TLE2: variants seen among roughly 807,000 people sequenced by gnomAD.
TLE2 encodes the protein transducin-like enhancer protein 2.
In TLE2, 74 loss-of-function variants were observed where a neutral mutation model predicts 97.2. That is an observed-to-expected ratio of 0.76 (90% CI 0.63 to 0.92). The LOEUF (loss-of-function observed/expected upper bound fraction) is 0.92. TLE2 is among the 40% of genes least tolerant of loss of function. The pLI is 0.00. For missense variants in TLE2, 1,038 were observed against 1,008.7 expected (o/e 1.03, Z -0.39); for synonymous variants, 499 against 432.1 (o/e 1.15, Z -1.92).
intron 1 of TLE2, among the ~76,000 whole-genome samples, chr19:3,044,537 AGCTTCCTGAGTT>A (rs1266551509): frequency 1.3e-5 from 2 of 152,186 alleles, no homozygotes; most frequent in African/African-American, 4.8e-5. Flanking sequence ...CTCCTTCCTC[AGCTTCCTGAGTT>A]GCTGGGATTA....
intron 8 of TLE2, 146 bp downstream of exon 8, chr19:3,017,694 C>G: frequency 1.5e-6 from 1 of 648,260 alleles, no homozygotes; most frequent in Non-Finnish European, 2.5e-6. Context: ...TCAAATGATT[C>G]TCCTACCTCT....
intron 3 of TLE2, 49 bp from the exon 4 acceptor site, chr19:3,027,922 C>T: frequency 6.4e-7 from 1 of 1,569,844 alleles, no homozygotes; most frequent in Non-Finnish European, 8.7e-7. Context: ...GATGGGTGCC[C>T]TCCTCCAGAT....
intron 19 of TLE2, among the ~76,000 whole-genome samples, chr19:2,998,958 T>TA (rs1568227914): frequency 6.6e-6 from 1 of 152,194 alleles, no homozygotes; most frequent in Non-Finnish European, 1.5e-5. Flanking sequence ...AAAGTCTAAA[T>TA]AAGTCCATGT....
chr19:3,030,518 A>G (rs1254625996), upstream of TLE2, among the ~76,000 whole-genome samples: 1 of 152,180 alleles, frequency 6.6e-6, no homozygotes, highest in Non-Finnish European at 1.5e-5. Context: ...AGAAAAATCC[A>G]TGCCCCTTGA....
chr19:3,008,492 C>T (rs981854216), intron 14 of TLE2, among the ~76,000 whole-genome samples: 1 of 150,710 alleles, frequency 6.6e-6, no homozygotes, highest in African/African-American at 2.4e-5. Flanking sequence ...GCTCTATTGC[C>T]CAGGCTGGAG....
At chr19:3,009,194 C>T (rs776559761) in intron 13 of TLE2, among the ~76,000 whole-genome samples, 1 of 152,204 alleles carries the variant, frequency 6.6e-6, no homozygotes, top group Non-Finnish European at 1.5e-5. Context: ...GTTCTCCATC[C>T]AATGCCCAGA....
chr19:3,006,757 C>G, intron 14 of TLE2, 88 bp from the exon 15 acceptor site: 1 of 1,477,374 alleles, frequency 6.8e-7, no homozygotes, highest in Non-Finnish European at 9.0e-7. Context: ...CTTTGTCCTG[C>G]CTGGCACCCT....
Position 3,013,814 on chromosome 19 carries a change from T to C in TLE2, c.728A>G (p.Gln243Arg), listed in dbSNP as rs767805754. ...AGCCGGGCTGGGGGGCTCTGAGGGTTGGTCCTGGGTTTGAGGAGGTGACGT... is the reference window on the plus strand; with the variant it reads ...AGCCGGGCTGGGGGGCTCTGAGGGTCGGTCCTGGGTTTGAGGAGGTGACGT... ...SDYNLVVDEDQPSEPPSPATT... is the reference protein window; with the variant it reads ...SDYNLVVDEDRPSEPPSPATT... Residue 243 changes from glutamine (Q) to arginine (R), a missense_variant, in exon 11 of 20, where the codon CAA becomes CGA. Coordinates refer to ENST00000262953, the MANE Select transcript of TLE2 (RefSeq NM_003260.5). 5 of 1,538,068 alleles carry C rather than the reference T, an allele frequency of 3.3e-6. No homozygotes were observed. The South Asian group carries it at 5.0e-5, about 16-fold the overall frequency.
chr19:3,028,858 C>T (rs1288308792), intron 1 of TLE2, 23 bp downstream of exon 1: 2 of 1,611,688 alleles, frequency 1.2e-6, no homozygotes, highest in African/African-American at 1.3e-5. Context: ...ACTGGGGGCC[C>T]CCTCCCCGCA....
At chr19:3,014,700 A>C in intron 9 of TLE2, 86 bp from the exon 10 acceptor site, 2 of 1,264,442 alleles carry the variant, frequency 1.6e-6, no homozygotes. Context: ...TGGAGGCATG[A>C]GCCCAGCCAG....
chr19:3,023,888 TCACA>T (rs140844301), intron 5 of TLE2, among the ~76,000 whole-genome samples: 2 of 144,416 alleles, frequency 1.4e-5, no homozygotes, highest in African/African-American at 5.1e-5. Flanking sequence ...CAAGAATCCA[TCACA>T]CACACACACA....
At chr19:3,027,732 AG>A (rs2089969264) in intron 4 of TLE2, 96 bp downstream of exon 4, 3 of 1,204,286 alleles carry the variant, frequency 2.5e-6, no homozygotes, top group Non-Finnish European at 3.6e-6. Flanking sequence ...CGTGTTCCCT[AG>A]GTCTGCTCTG....
chr19:3,023,056 CTT>C (rs35202557), intron 5 of TLE2, among the ~76,000 whole-genome samples: 5 of 135,378 alleles, frequency 3.7e-5, no homozygotes, highest in African/African-American at 5.8e-5. Context: ...TTTACCTAAT[CTT>C]TTTTTTTTTT....
chr19:3,028,541 C>T (rs1389992135), intron 2 of TLE2, among the ~76,000 whole-genome samples, 159 bp from the exon 3 acceptor site: 1 of 151,480 alleles, frequency 6.6e-6, no homozygotes, highest in African/African-American at 2.4e-5. Flanking sequence ...AATGCCCCAG[C>T]TCTGACTGTC....
chr19:3,041,909 G>C (rs1411073565), intron 1 of TLE2, among the ~76,000 whole-genome samples: 1 of 127,682 alleles, frequency 7.8e-6, no homozygotes, highest in Non-Finnish European at 1.7e-5. Context: ...TGGGAGCTCT[G>C]TGGCTGCCTT....
chr19:3,040,311 C>A (rs369831317), intron 1 of TLE2, among the ~76,000 whole-genome samples: 13 of 152,188 alleles, frequency 8.5e-5, no homozygotes, highest in African/African-American at 3.1e-4. Flanking sequence ...AACCCCTGGC[C>A]GCATGGCCCA....
In TLE2 at chr19:3,005,576, T is replaced by G. The variant is rs1458622816; in HGVS notation, c.1757A>C (p.Gln586Pro). The change falls in exon 17 of 20, where the codon CAG becomes CCG. Residue 586 changes from glutamine (Q) to proline (P), a missense_variant. Coordinates refer to ENST00000262953, the MANE Select transcript of TLE2 (RefSeq NM_003260.5). ...GCAGCTGGCGCCGTCCGTGTGGCCC[T>G]GGAACTGCCTGGAGGGAGAAGGGCC... ...LQNQTMVRQF[Q>P]GHTDGASCID... 1.9e-6 allele frequency: 3 copies of G among 1,612,996 alleles called. No individual in the cohort carries two copies. Among genetic ancestry groups the G allele is most frequent in the Non-Finnish European group, 1.7e-6 (2 of 1,179,532 alleles).
rs1407754447 is a variant in TLE2 at position 3,006,664 on chromosome 19, T to C, written c.1256A>G (p.Tyr419Cys). The C allele has an allele frequency of 6.9e-6, 11 of 1,595,812 alleles. No homozygotes were observed. Among genetic ancestry groups the C allele is most frequent in the Non-Finnish European group, 8.5e-6 (10 of 1,169,986 alleles). ...CCCGTCCGCAGACACGTGGAAGGAG[T>C]AGGCCCTGGAGAGAAAGCCGGGGCA... ...LPSIPGGKPA[Y>C]SFHVSADGQM... is the part of the protein sequence containing the mutation. Residue 419 changes from tyrosine to cysteine, a missense_variant, in exon 15 of 20, where the codon TAC (tyrosine) becomes TGC (cysteine). By Grantham distance (194) the Tyr-to-Cys change is radical. Coordinates refer to ENST00000262953, the MANE Select transcript of TLE2 (RefSeq NM_003260.5).
rs112201116 is a variant in TLE2 at position 3,005,846 on chromosome 19, G to A, written c.1623C>T (p.Ala541=). The part of the protein sequence containing the change: ...DLAAPTPRIK[A]ELTSSAPACY... ...AGGCTGGGGCTGAGGAAGTCAGCTCGGCCTTGATACGGGGGGTGGGCGCCG... is the reference window on the plus strand; with the variant it reads ...AGGCTGGGGCTGAGGAAGTCAGCTCAGCCTTGATACGGGGGGTGGGCGCCG... The change falls in exon 16 of 20, where the codon GCC becomes GCT. Residue 541 remains alanine (A), a synonymous_variant. Coordinates refer to ENST00000262953, the MANE Select transcript of TLE2 (RefSeq NM_003260.5). 6.6e-5 allele frequency: 107 copies of A among 1,613,954 alleles called. 1 individual carries two copies. In the African/African-American group the frequency reaches 9.9e-4, roughly 15 times the overall value.
Sources: gnomAD v4.1 joint callset for allele counts (sites outside exome capture counted in the v4.1 genomes callset) on GRCh38, gnomAD v4.1.1 for gene constraint, MANE v1.5 for transcripts, NCBI Gene and HGNC (gene_info 2026-07-23, HGNC 2026-07-21) for gene names.